PCDHA6: variants seen among roughly 807,000 people sequenced by gnomAD.
The protein encoded by PCDHA6 is protocadherin alpha 6.
Under a neutral mutation model 60.3 loss-of-function variants are expected in PCDHA6, and 55 were observed. The ratio of observed to expected loss-of-function variants is 0.91; its 90% CI spans 0.73 to 1.14. The LOEUF (loss-of-function observed/expected upper bound fraction) is 1.14, where lower values mean the gene tolerates loss of function less well. Ranked by LOEUF, PCDHA6 falls within the 50% of genes most tolerant of loss-of-function variation. PCDHA6 has a pLI of 0.00. For synonymous variants in PCDHA6, 652 were observed against 557.9 expected, an observed-to-expected ratio of 1.17 and a Z score of -2.38; for missense variants, 1,327 against 1,256.5, an observed-to-expected ratio of 1.06 and a Z score of -0.85.
At chr5:140,921,165 A>T (rs959305878) in intron 1 of PCDHA6, among the ~76,000 whole-genome samples, 1 of 151,798 alleles carries the variant, frequency 6.6e-6, no homozygotes, top group Non-Finnish European at 1.5e-5. Flanking sequence ...TTTTTTTAAC[A>T]CACATAAAGC....
Position 140,829,852 on chromosome 5 carries a change from AG to A in PCDHA6, c.1763del (p.Gly588AlafsTer64). 1 of 1,613,942 alleles carries A rather than the reference AG, an allele frequency of 6.2e-7. No homozygotes were observed. The highest frequency in any genetic ancestry group is 8.5e-7 in the Non-Finnish European group (1 of 1,179,880). Reference sequence around the variant, plus strand: ...AGCTGGTGCCGCGGTCACTGGGTGCAGGCCAAGTGGTGGCGAAGGTGCGCGC... The same window carrying A: ...AGCTGGTGCCGCGGTCACTGGGTGCAGCCAAGTGGTGGCGAAGGTGCGCGC... ...SELVPRSLGA[G>X]QVVAKVRAVD... On this transcript the variant is annotated frameshift_variant, in exon 1 of 4. Coordinates refer to ENST00000529310, the MANE Select transcript of PCDHA6 (RefSeq NM_018909.4). LOFTEE classifies it high-confidence loss of function.
At chr5:140,929,241 T>TG (rs2085975080) in intron 1 of PCDHA6, 1 of 1,613,878 alleles carries the variant, frequency 6.2e-7, no homozygotes. Context: ...TGCGAAATCT[T>TG]GCCACTGGGG....
intron 3 of PCDHA6, among the ~76,000 whole-genome samples, chr5:140,987,261 T>C (rs1245588314): frequency 6.6e-6 from 1 of 151,964 alleles, no homozygotes; most frequent in African/African-American, 2.4e-5. Context: ...TTCTCAGGAA[T>C]GGGACCCGGC....
chr5:141,003,715 G>A (rs561348265), intron 3 of PCDHA6, among the ~76,000 whole-genome samples: 21 of 152,240 alleles, frequency 1.4e-4, no homozygotes, highest in African/African-American at 2.2e-4. Flanking sequence ...TGAAGATATC[G>A]GCTAATCCAA....
At chr5:140,955,401 A>T (rs1202478496) in intron 1 of PCDHA6, among the ~76,000 whole-genome samples, 2 of 152,122 alleles carry the variant, frequency 1.3e-5, no homozygotes, top group African/African-American at 4.8e-5. Flanking sequence ...TATCCCATAC[A>T]GTTCTCATGA....
chr5:140,974,553 C>G (rs1554236197), intron 1 of PCDHA6, among the ~76,000 whole-genome samples: 1 of 151,870 alleles, frequency 6.6e-6, no homozygotes, highest in African/African-American at 2.4e-5. Context: ...CTCTTGTTGC[C>G]CAGGCTGGAG....
chr5:140,876,075 C>G, intron 1 of PCDHA6: 1 of 1,613,908 alleles, frequency 6.2e-7, no homozygotes, highest in Non-Finnish European at 8.5e-7. Context: ...AGTTATTGGA[C>G]AGAGAGCAAA....
At chr5:140,980,852 T>G (rs1233523507) in intron 2 of PCDHA6, among the ~76,000 whole-genome samples, 5 of 152,184 alleles carry the variant, frequency 3.3e-5, no homozygotes, top group African/African-American at 1.2e-4. Flanking sequence ...TACTAATCTT[T>G]TTCGTATGTG....
intron 1 of PCDHA6, among the ~76,000 whole-genome samples, chr5:140,973,733 C>G (rs1273705154): frequency 6.6e-6 from 1 of 152,216 alleles, no homozygotes; most frequent in Non-Finnish European, 1.5e-5. Context: ...GGCATCTGGT[C>G]TAACTCAGAA....
intron 1 of PCDHA6, among the ~76,000 whole-genome samples, chr5:140,952,114 A>G (rs246038): frequency 0.56 from 85,531 of 151,814 alleles, 24,721 homozygotes; most frequent in African/African-American, 0.69. Flanking sequence ...CGTGTGAGGG[A>G]TGGGCTCCCA....
chr5:140,886,127 C>T (rs1308479455), intron 1 of PCDHA6, among the ~76,000 whole-genome samples: 5 of 152,172 alleles, frequency 3.3e-5, no homozygotes, highest in African/African-American at 1.2e-4. Flanking sequence ...AGTTCCGTAA[C>T]AACCAGATTC....
chr5:140,968,659 C>T, intron 1 of PCDHA6: 1 of 1,614,160 alleles, frequency 6.2e-7, no homozygotes, highest in East Asian at 2.2e-5. Flanking sequence ...CTGACCTGGA[C>T]CTCTTTAAGG....
intron 1 of PCDHA6, chr5:140,842,295 A>T (rs2150333615): frequency 2.5e-6 from 4 of 1,610,380 alleles, no homozygotes; most frequent in Non-Finnish European, 3.4e-6. Flanking sequence ...GCCACGGACA[A>T]AGGCCATCCT....
chr5:140,855,923 A>C (rs1424860955), intron 1 of PCDHA6: 25 of 1,229,030 alleles, frequency 2.0e-5, no homozygotes, highest in Non-Finnish European at 2.7e-5. Context: ...ACTAGGAAGT[A>C]GCGTCATTCT....
intron 1 of PCDHA6, chr5:140,835,547 C>A: frequency 1.2e-6 from 2 of 1,613,960 alleles, no homozygotes; most frequent in Non-Finnish European, 1.7e-6. Context: ...TTACCTGCTC[C>A]CTGACGCCCC....
chr5:140,946,731 G>T (rs1183627101), intron 1 of PCDHA6, among the ~76,000 whole-genome samples: 1 of 150,574 alleles, frequency 6.6e-6, no homozygotes, highest in African/African-American at 2.5e-5. Flanking sequence ...AATAAGCCAG[G>T]CACAGAAAGA....
chr5:140,928,288 C>CA (rs1554205700), intron 1 of PCDHA6: 1 of 1,614,156 alleles, frequency 6.2e-7, no homozygotes, highest in East Asian at 2.2e-5. Flanking sequence ...CTCTCTAGGC[C>CA]GAGTGTTTGC....
chr5:140,943,257 C>CAAAAA (rs1238620023), intron 1 of PCDHA6, among the ~76,000 whole-genome samples: 3 of 77,348 alleles, frequency 3.9e-5, no homozygotes, highest in Non-Finnish European at 5.0e-5. Context: ...GACTCTGTCT[C>CAAAAA]AAAAAAAAAA....
chr5:140,899,225 A>C (rs1479429839), intron 1 of PCDHA6, among the ~76,000 whole-genome samples: 1 of 152,038 alleles, frequency 6.6e-6, no homozygotes, highest in African/African-American at 2.4e-5. Context: ...TTCCAACACT[A>C]TGTTGAATAG....
Sources: gnomAD v4.1 joint callset for allele counts (sites outside exome capture counted in the v4.1 genomes callset) on GRCh38, gnomAD v4.1.1 for gene constraint, MANE v1.5 for transcripts, NCBI Gene and HGNC (gene_info 2026-07-23, HGNC 2026-07-21) for gene names.